SAFB2: variants seen among roughly 807,000 people sequenced by gnomAD.
SAFB2 encodes the protein scaffold attachment factor B2.
A neutral mutation model predicts 100.6 loss-of-function variants in SAFB2; 32 were observed. The ratio of observed to expected loss-of-function variants is 0.32; its 90% CI spans 0.24 to 0.43. The LOEUF (loss-of-function observed/expected upper bound fraction) is 0.43. Among genes scored for constraint, SAFB2 ranks in the 20% least tolerant of loss-of-function variants. SAFB2 has a pLI of 1.00. For synonymous variants in SAFB2, 500 were observed against 439.4 expected (o/e 1.14, Z -1.72); for missense variants, 1,185 against 1,163.4 (o/e 1.02, Z -0.27).
rs1157854892 is a variant in SAFB2 at position 5,590,282 on chromosome 19, G to C, written c.2521C>G (p.Pro841Ala). 3 of 1,595,218 alleles carry C rather than the reference G, an allele frequency of 1.9e-6. No individual in the cohort carries two copies. The highest frequency in any genetic ancestry group is 1.3e-5 in the African/African-American group (1 of 74,644). ...LSEGRGLPPP[P>A]RGGRDWGEHN... is the part of the protein sequence containing the mutation. ...GGCTGGGGCTCACCCACTAACCTGG[G>C]GGGAGGGGGCAGCCCCCGGCCTTCA... The change falls in exon 18 of 21, where the codon CCC (proline) becomes GCC (alanine). Residue 841 changes from proline (P) to alanine (A), a missense_variant. Around this residue, in one of 3 missense-constraint regions of SAFB2, gnomAD observed 740 missense variants for 687.1 expected, o/e 1.08. Transcript: ENST00000252542.
intron 12 of SAFB2, among the ~76,000 whole-genome samples, chr19:5,599,343 A>T (rs916647865): frequency 6.6e-6 from 1 of 152,190 alleles, no homozygotes; most frequent in African/African-American, 2.4e-5. Flanking sequence ...CTCCAGCAAT[A>T]AAGGCTTCCA....
chr19:5,603,950 C>A (rs1406634405), intron 11 of SAFB2, among the ~76,000 whole-genome samples: 1 of 152,132 alleles, frequency 6.6e-6, no homozygotes. Flanking sequence ...GGAAATGATT[C>A]CAAGGTCTGA....
Position 5,595,430 on chromosome 19 carries a change from A to T in SAFB2, c.1850T>A (p.Ile617Asn). 6.2e-7 allele frequency: 1 copy of T among 1,613,572 alleles called. No homozygotes were observed. The highest frequency in any genetic ancestry group is 8.5e-7 in the Non-Finnish European group (1 of 1,179,916). Reference sequence around the variant, plus strand: ...GCGCTCTCTCTCCCTTTGTTCTTTGATTTTATCAAACGACAAGATGTCTCT... The same window carrying T: ...GCGCTCTCTCTCCCTTTGTTCTTTGTTTTTATCAAACGACAAGATGTCTCT... ...EKRDILSFDK[I>N]KEQRERERQR... The change falls in exon 14 of 21, where the codon ATC becomes AAC. Residue 617 changes from isoleucine to asparagine, a missense_variant. By Grantham distance (149) the Ile-to-Asn change is moderately radical. Transcript: ENST00000252542.
chr19:5,611,228 G>A lies in SAFB2; in HGVS notation c.1037C>T (p.Ala346Val), dbSNP rs1309445788. Residue 346 changes from alanine to valine, a missense_variant, in exon 7 of 21, where the codon GCC becomes GTC. This residue lies in a region of SAFB2 where 351 missense variants were observed against 341.2 expected (regional missense o/e 1.03). Coordinates refer to ENST00000252542, the MANE Select transcript of SAFB2 (RefSeq NM_014649.3). Reference sequence around the variant, plus strand: ...CCTCCCGTCTTCTTTGCTATCTCTGGCTTCTGGGCTTGGGGCTTCCGTGGG... The same window carrying A: ...CCTCCCGTCTTCTTTGCTATCTCTGACTTCTGGGCTTGGGGCTTCCGTGGG... The part of the protein sequence containing the change: ...EAPTEAPSPE[A>V]RDSKEDGRKF... The A allele has an allele frequency of 2.4e-6, 1 of 422,884 alleles. No homozygotes were observed. Among genetic ancestry groups the A allele is most frequent in the East Asian group, 3.8e-5 (1 of 26,458 alleles). 26.2% of individuals were successfully genotyped at this position (422,884 alleles called of 1,614,324 possible). A position where few individuals can be genotyped will look rare whatever the true frequency, so the allele number is the denominator to read the frequency against.
intron 4 of SAFB2, among the ~76,000 whole-genome samples, chr19:5,615,577 G>A (rs907756346): frequency 4.6e-5 from 7 of 152,032 alleles, no homozygotes; most frequent in African/African-American, 1.7e-4. Flanking sequence ...TTAGCTGGGC[G>A]TGGTGGTTCA....
At chr19:5,613,175 C>T (rs1324858000) in intron 5 of SAFB2, among the ~76,000 whole-genome samples, 1 of 152,184 alleles carries the variant, frequency 6.6e-6, no homozygotes, top group Non-Finnish European at 1.5e-5. Flanking sequence ...TTTCCCTCTT[C>T]AACCTATCCG....
At chr19:5,606,918 C>T (rs1192609191) in intron 9 of SAFB2, among the ~76,000 whole-genome samples, 3 of 152,268 alleles carry the variant, frequency 2.0e-5, no homozygotes, top group South Asian at 2.1e-4. Context: ...ACGAAGAGCA[C>T]CTGGTGAGGT....
chr19:5,602,203 C>T lies in SAFB2; in HGVS notation c.1560-1943G>A, dbSNP rs2052673038. 7.9e-5 allele frequency among the ~76,000 whole-genome samples: 12 copies of T among 152,092 alleles called. 1 individual carries two copies. The South Asian group carries it at 2.1e-3, about 26-fold the overall frequency. Reference sequence around the variant, plus strand: ...TCTTAAAGATCTTAAGTTCGCCGGGCGCGATGGCTCACACCTGTAATCCCA... The same window carrying T: ...TCTTAAAGATCTTAAGTTCGCCGGGTGCGATGGCTCACACCTGTAATCCCA... On this transcript the variant is annotated intron_variant, in intron 11 of 20. Transcript: ENST00000252542.
Position 5,587,727 on chromosome 19 carries a change from G to A in SAFB2, c.2679C>T (p.His893=). ...CCGCCACTCCACCGCGGCTTGCCAT[G>A]TGCCCCGGCCCCGAGGGCCCAGACA... ...RGLSGPSGPG[H]MASRGGVAGR... Residue 893 remains histidine, a synonymous_variant, in exon 20 of 21, where the codon CAC becomes CAT. Coordinates refer to ENST00000252542, the MANE Select transcript of SAFB2 (RefSeq NM_014649.3). This position sits in a 1 kb window ranked among gnomAD's most constrained non-coding sequence, Gnocchi z 4.9. The A allele has an allele frequency of 1.3e-6, 2 of 1,552,338 alleles. No individual in the cohort carries two copies. The highest frequency in any genetic ancestry group is 2.4e-5 in the East Asian group (1 of 40,948).
chr19:5,611,902 T>C (rs987031515), intron 6 of SAFB2: 1 of 570,242 alleles, frequency 1.8e-6, no homozygotes, highest in Non-Finnish European at 3.2e-6. Flanking sequence ...ATAGTCTTCT[T>C]CGAGTTTTTG....
chr19:5,605,253 C>G (rs1344055559), intron 9 of SAFB2, among the ~76,000 whole-genome samples: 1 of 151,968 alleles, frequency 6.6e-6, no homozygotes, highest in African/African-American at 2.4e-5. Flanking sequence ...TACAGGCGCC[C>G]GCCACCACGC....
chr19:5,591,618 G>C, intron 17 of SAFB2, 130 bp downstream of exon 17: 1 of 785,662 alleles, frequency 1.3e-6, no homozygotes, highest in Non-Finnish European at 2.1e-6. Context: ...ACCCACACTT[G>C]CATACCCGCC....
At position 5,622,567 on chromosome 19, in the gene SAFB2, C is replaced by T; in HGVS notation, c.149G>A (p.Gly50Asp). ...AELKKRNLDT[G>D]GNKSVLMERL... is the part of the protein sequence containing the mutation. The stretch of plus-strand genomic sequence containing the variant: ...CTCCATCAGGACGCTCTTGTTGCCG[C>T]CCGTGTCCAGGTTCCGCTTCTTCAG... The change falls in exon 1 of 21, where the codon GGC becomes GAC. Residue 50 changes from glycine to aspartate, a missense_variant. Around this residue, in one of 3 missense-constraint regions of SAFB2, gnomAD observed 351 missense variants for 341.2 expected, o/e 1.03. Transcript: ENST00000252542. 1 of 1,613,494 alleles carries T rather than the reference C, an allele frequency of 6.2e-7. No homozygotes were observed. Among genetic ancestry groups the T allele is most frequent in the South Asian group, 1.1e-5 (1 of 91,066 alleles).
chr19:5,587,101 A>T lies in SAFB2; in HGVS notation c.*142T>A. On this transcript the variant is annotated 3_prime_UTR_variant, in exon 21 of 21. Transcript: ENST00000252542. The surrounding 1 kb of genome is among the most constrained non-coding windows in gnomAD (Gnocchi z 4.9). ...AACACATTTATTTAAAAAAAAAAAA[A>T]AAGTGAGTTCACATTGTATTGAGCT... is the stretch of plus-strand genomic sequence containing the variant. 1 of 1,123,856 alleles carries T rather than the reference A, an allele frequency of 8.9e-7. No homozygotes were observed. The highest frequency in any genetic ancestry group is 1.2e-6 in the Non-Finnish European group (1 of 801,178). The allele number at this position is 1,123,856 out of a possible 1,614,324, so 69.6% of individuals were successfully genotyped here. A position where few individuals can be genotyped will look rare whatever the true frequency, so the allele number is the denominator to read the frequency against.
At position 5,587,088 on chromosome 19, in the gene SAFB2, T is replaced by TAAAAAA; in HGVS notation, c.*149_*154dup. Reference sequence around the variant, plus strand: ...ATGGCAGAACAAGAACACATTTATTTAAAAAAAAAAAAAAAGTGAGTTCAC... The same window carrying TAAAAAA: ...ATGGCAGAACAAGAACACATTTATTTAAAAAAAAAAAAAAAAAAAAAGTGAGTTCAC... On this transcript the variant is annotated 3_prime_UTR_variant, in exon 21 of 21. Coordinates refer to ENST00000252542, the MANE Select transcript of SAFB2 (RefSeq NM_014649.3). The surrounding 1 kb of genome is among the most constrained non-coding windows in gnomAD (Gnocchi z 4.9). 1.3e-6 allele frequency: 1 copy of TAAAAAA among 790,934 alleles called. No homozygotes were observed. The highest frequency in any genetic ancestry group is 2.7e-5 in the South Asian group (1 of 37,334). 49.0% of individuals were successfully genotyped at this position (790,934 alleles called of 1,614,324 possible). A position where few individuals can be genotyped will look rare whatever the true frequency, so the allele number is the denominator to read the frequency against.
Position 5,616,256 on chromosome 19 carries a change from G to C in SAFB2, c.419C>G (p.Ala140Gly), listed in dbSNP as rs1450982563. The change falls in exon 4 of 21, where the codon GCG becomes GGG. Residue 140 changes from alanine to glycine, a missense_variant. By Grantham distance (60) the Ala-to-Gly change is moderately conservative. Coordinates refer to ENST00000252542, the MANE Select transcript of SAFB2 (RefSeq NM_014649.3). ...DMSVLDETEV[A>G]NSSAPDFGED... ...CCCAAAATCTGGAGCACTGCTATTC[G>C]CCACTTCAGTTTCGTCTAGCACACT... The C allele has an allele frequency of 6.2e-7, 1 of 1,613,942 alleles. No individual in the cohort carries two copies. The highest frequency in any genetic ancestry group is 8.5e-7 in the Non-Finnish European group (1 of 1,180,012).
chr19:5,594,324 G>C (rs939815373), intron 14 of SAFB2, 146 bp from the exon 15 acceptor site: 2 of 951,516 alleles, frequency 2.1e-6, no homozygotes, highest in Non-Finnish European at 3.0e-6. Flanking sequence ...GCGCGTGCAG[G>C]GGGTTACCTT....
intron 9 of SAFB2, among the ~76,000 whole-genome samples, chr19:5,606,184 A>T (rs1272178160): frequency 6.6e-6 from 1 of 152,220 alleles, no homozygotes; most frequent in East Asian, 1.9e-4. Context: ...GGTGAGACAA[A>T]ATCAGCCCAA....
At chr19:5,611,966 T>C (rs989541991) in intron 6 of SAFB2, 49 of 439,406 alleles carry the variant, frequency 1.1e-4, no homozygotes, top group Non-Finnish European at 1.3e-4. Flanking sequence ...CTGAACCGAA[T>C]GCAATCACCA....
Sources: allele counts gnomAD v4.1 joint callset (sites outside exome capture counted in the v4.1 genomes callset), GRCh38; gene constraint gnomAD v4.1.1; regional missense constraint gnomAD v4.1.1; non-coding constraint Gnocchi (gnomAD v3.1); transcripts MANE v1.5; gene names NCBI Gene and HGNC (gene_info 2026-07-23, HGNC 2026-07-21).